Variants in TENM4 observed in about 807,000 individuals in gnomAD.
TENM4 encodes teneurin transmembrane protein 4, also known as teneurin-4.
Under a neutral mutation model 243.3 loss-of-function variants are expected in TENM4, and 82 were observed. The observed-to-expected ratio is 0.34, with a 90% CI of 0.28 to 0.40. The LOEUF is 0.40. Ranked by LOEUF, TENM4 falls within the 10% of genes least tolerant of loss-of-function variation. The pLI is 1.00. For synonymous variants in TENM4, 1,412 were observed against 1,456.3 expected (o/e 0.97, Z 0.69); for missense variants, 3,138 against 3,673.3 (o/e 0.85, Z 3.77).
chr11:79,337,364 G>A (rs117163580), intron 1 of TENM4, among the ~76,000 whole-genome samples: 5 of 152,244 alleles, frequency 3.3e-5, no homozygotes, highest in South Asian at 2.1e-4. Context: ...CCATGTGATC[G>A]TGCCTCACCG....
chr11:79,132,002 T>TA (rs1056733100), intron 4 of TENM4, among the ~76,000 whole-genome samples: 16 of 152,036 alleles, frequency 1.1e-4, no homozygotes, highest in African/African-American at 3.9e-4. Flanking sequence ...CCTAAACATA[T>TA]ATGCACCTAG....
intron 12 of TENM4, among the ~76,000 whole-genome samples, chr11:78,837,022 C>T (rs9734420): frequency 0.02 from 3,075 of 152,234 alleles, 107 homozygotes; most frequent in African/African-American, 0.069. Flanking sequence ...ATCACTTGAG[C>T]TAAATGGGGA....
In TENM4 at chr11:79,163,794, CACACATATATAT is replaced by C. The variant is rs1267115935; in HGVS notation, c.-162-15000_-162-14989del. On this transcript the variant is annotated intron_variant, in intron 3 of 33. Coordinates refer to ENST00000278550, the MANE Select transcript of TENM4 (RefSeq NM_001098816.3). ...ACACACACATACATATATATATACACACACATATATATACACATATATATACATGTATGTGTA... is the reference window on the plus strand; with the variant it reads ...ACACACACATACATATATATATACACACACATATATATACATGTATGTGTA... Among the ~76,000 whole-genome samples, 260 of 46,786 alleles carry C rather than the reference CACACATATATAT, an allele frequency of 5.6e-3. 2 individuals carry two copies. Among genetic ancestry groups the C allele is most frequent in the Middle Eastern group, 0.027 (2 of 74 alleles). 30.7% of individuals were successfully genotyped at this position (46,786 alleles called of 152,430 possible). A position where few individuals can be genotyped will look rare whatever the true frequency, so the allele number is the denominator to read the frequency against.
rs573244140 is a variant in TENM4 at position 79,371,213 on chromosome 11, G to C, written c.-321+69296C>G. ...TTCATGTCAGTGTGAGTGCAGATTG[G>C]GGTAGCACTGGAGGAAAGCAATGTG... On this transcript the variant is annotated intron_variant, in intron 1 of 33. Transcript: ENST00000278550. 5.9e-5 allele frequency among the ~76,000 whole-genome samples: 9 copies of C among 152,280 alleles called. No homozygotes were observed. The South Asian group carries it at 1.9e-3, about 32-fold the overall frequency.
At chr11:78,764,392 A>T (rs1408725075) in intron 18 of TENM4, among the ~76,000 whole-genome samples, 4 of 152,162 alleles carry the variant, frequency 2.6e-5, no homozygotes, top group African/African-American at 4.8e-5. Flanking sequence ...AATGCTCTGG[A>T]TTTTCTGGCT....
At chr11:79,411,165 A>C (rs12286796) in intron 1 of TENM4, among the ~76,000 whole-genome samples, 73,634 of 151,988 alleles carry the variant, frequency 0.48, 17,882 homozygotes, top group African/African-American at 0.53. Context: ...GGACACACAG[A>C]CTGCCTGACT....
chr11:78,949,139 C>T (rs1031817437), intron 6 of TENM4, among the ~76,000 whole-genome samples: 1 of 152,226 alleles, frequency 6.6e-6, no homozygotes, highest in Non-Finnish European at 1.5e-5. Context: ...CCCCTCCCAT[C>T]TATCCTCCTC....
chr11:79,111,543 T>TCAACAA (rs542498523), intron 4 of TENM4, among the ~76,000 whole-genome samples: 1 of 151,870 alleles, frequency 6.6e-6, no homozygotes, highest in African/African-American at 2.4e-5. Context: ...AGACTCTGTC[T>TCAACAA]CAACAACAAC....
At chr11:79,220,992 C>T (rs561229921) in intron 2 of TENM4, 1 of 152,320 alleles carries the variant, frequency 6.6e-6, no homozygotes, top group East Asian at 1.9e-4. Flanking sequence ...TGTTACTCTG[C>T]GAAGAGCTTT....
At position 78,769,575 on chromosome 11, in the gene TENM4, G is replaced by C. The variant is rs150276195; in HGVS notation, c.2539+1417C>G. On this transcript the variant is annotated intron_variant, in intron 18 of 33. Transcript: ENST00000278550. ...GCCCAACTCTAAAATAAGAACTCTG[G>C]ATATTTATGGAGCACAAAAATTAAT... Among the ~76,000 whole-genome samples the C allele has an allele frequency of 2.6e-5, 4 of 152,240 alleles. No homozygotes were observed. In the East Asian group the frequency reaches 7.7e-4, roughly 29 times the overall value.
intron 2 of TENM4, among the ~76,000 whole-genome samples, chr11:79,256,694 T>C (rs1377690865): frequency 6.6e-6 from 1 of 152,202 alleles, no homozygotes; most frequent in African/African-American, 2.4e-5. Context: ...ATCAATGACT[T>C]TGTCTCTTGG....
chr11:79,070,586 C>T (rs1424870567), intron 4 of TENM4, among the ~76,000 whole-genome samples: 1 of 152,210 alleles, frequency 6.6e-6, no homozygotes, highest in Non-Finnish European at 1.5e-5. Flanking sequence ...TTTTGCCCAT[C>T]TCCTTCTGCT....
At chr11:79,169,199 C>T (rs957846017) in intron 3 of TENM4, among the ~76,000 whole-genome samples, 3 of 152,244 alleles carry the variant, frequency 2.0e-5, no homozygotes, top group African/African-American at 7.2e-5. Flanking sequence ...CAGCTGACCA[C>T]ACACTCAGAA....
intron 12 of TENM4, among the ~76,000 whole-genome samples, chr11:78,842,882 A>G (rs768348333): frequency 2.0e-5 from 3 of 152,224 alleles, no homozygotes; most frequent in Non-Finnish European, 4.4e-5. Flanking sequence ...GGTTTGAAAT[A>G]GTTTATGTAG....
intron 16 of TENM4, among the ~76,000 whole-genome samples, chr11:78,782,405 G>T (rs1469324707): frequency 1.8e-4 from 27 of 151,948 alleles, no homozygotes; most frequent in Non-Finnish European, 2.9e-5. Context: ...TGAGATCAGC[G>T]TGACCAACAT....
intron 2 of TENM4, among the ~76,000 whole-genome samples, chr11:79,267,452 G>A (rs572980448): frequency 1.8e-4 from 27 of 152,310 alleles, no homozygotes; most frequent in African/African-American, 6.0e-4. Context: ...GAAAGATAAA[G>A]GTTGATGCTA....
chr11:79,000,383 A>T (rs1470283554), intron 6 of TENM4, among the ~76,000 whole-genome samples: 1 of 152,184 alleles, frequency 6.6e-6, no homozygotes, highest in Non-Finnish European at 1.5e-5. Flanking sequence ...TTCTTCTCTT[A>T]ATATCTTTAA....
chr11:79,356,409 A>G (rs1488039496), intron 1 of TENM4, among the ~76,000 whole-genome samples: 1 of 152,216 alleles, frequency 6.6e-6, no homozygotes, highest in Non-Finnish European at 1.5e-5. Context: ...TGTTTGTCCC[A>G]GTGCCTGGTG....
At chr11:79,216,920 T>A (rs914460102) in intron 2 of TENM4, among the ~76,000 whole-genome samples, 3 of 152,038 alleles carry the variant, frequency 2.0e-5, no homozygotes, top group African/African-American at 7.2e-5. Context: ...AGGGTTGGAG[T>A]CACCTGGGCA....
Sources: allele counts gnomAD v4.1 joint callset (sites outside exome capture counted in the v4.1 genomes callset), GRCh38; gene constraint gnomAD v4.1.1; transcripts MANE v1.5; gene names NCBI Gene and HGNC (gene_info 2026-07-23, HGNC 2026-07-21).